GALNTL6: variants seen among roughly 807,000 people sequenced by gnomAD.
GALNTL6 encodes the protein polypeptide N-acetylgalactosaminyltransferase-like 6.
In GALNTL6, 46 loss-of-function variants were observed where a neutral mutation model predicts 73.7. The ratio of observed to expected loss-of-function variants is 0.62; its 90% CI spans 0.49 to 0.80. The LOEUF is 0.80. GALNTL6 is among the 30% of genes least tolerant of loss of function. The pLI is 0.00. For missense variants in GALNTL6, 604 were observed against 755.0 expected (o/e 0.80, Z 2.34); for synonymous variants, 259 against 263.7 (o/e 0.98, Z 0.17).
intron 5 of GALNTL6, among the ~76,000 whole-genome samples, chr4:172,364,307 G>A (rs894723438): frequency 6.6e-6 from 1 of 152,104 alleles, no homozygotes; most frequent in East Asian, 1.9e-4. Context: ...TGTAGTCCTA[G>A]TTACTCTGGA....
At chr4:172,485,189 A>G (rs1183585949) in intron 5 of GALNTL6, among the ~76,000 whole-genome samples, 1 of 152,068 alleles carries the variant, frequency 6.6e-6, no homozygotes, top group East Asian at 1.9e-4. Context: ...TATTGTCTCT[A>G]GTTTTCTACC....
chr4:172,806,524 C>A (rs1224311890), intron 5 of GALNTL6, among the ~76,000 whole-genome samples: 1 of 152,234 alleles, frequency 6.6e-6, no homozygotes, highest in Non-Finnish European at 1.5e-5. Flanking sequence ...CTTTGACTCT[C>A]ACTTTGGAAG....
At chr4:172,446,838 G>A (rs1334030683) in intron 5 of GALNTL6, among the ~76,000 whole-genome samples, 2 of 152,140 alleles carry the variant, frequency 1.3e-5, no homozygotes, top group African/African-American at 2.4e-5. Flanking sequence ...TTTTGAAGAT[G>A]TCTATTGTTT....
intron 5 of GALNTL6, among the ~76,000 whole-genome samples, chr4:172,374,518 A>G (rs1742953371): frequency 6.6e-6 from 1 of 152,218 alleles, no homozygotes; most frequent in African/African-American, 2.4e-5. Context: ...CGAGGAAAGC[A>G]GAAGGACTTT....
chr4:172,016,475 ATTG>A (rs1741195442), intron 2 of GALNTL6, among the ~76,000 whole-genome samples: 2 of 151,728 alleles, frequency 1.3e-5, no homozygotes, highest in South Asian at 2.1e-4. Flanking sequence ...CATATTGTGT[ATTG>A]TTGTTTTAAT....
intron 12 of GALNTL6, 31 bp downstream of exon 12, chr4:173,021,656 A>G (rs1456790993): frequency 6.2e-7 from 1 of 1,608,392 alleles, no homozygotes. Flanking sequence ...GTCATTCTCA[A>G]ATTACTGTGG....
chr4:172,501,979 T>C (rs1258257716), intron 5 of GALNTL6, among the ~76,000 whole-genome samples: 1 of 152,182 alleles, frequency 6.6e-6, no homozygotes, highest in Admixed American at 6.5e-5. Flanking sequence ...TTAGCAAGCA[T>C]ACATTTCCTA....
At chr4:172,226,852 ACTCT>A (rs1198887604) in intron 2 of GALNTL6, among the ~76,000 whole-genome samples, 2 of 151,930 alleles carry the variant, frequency 1.3e-5, no homozygotes, top group African/African-American at 4.8e-5. Context: ...CATTTCAGGA[ACTCT>A]CTCTGATTCT....
intron 2 of GALNTL6, among the ~76,000 whole-genome samples, chr4:171,858,789 C>T (rs542959634): frequency 3.3e-4 from 50 of 152,032 alleles, no homozygotes; most frequent in Non-Finnish European, 5.3e-4. Flanking sequence ...CTGAAGCTAA[C>T]GTTTTCAAAT....
chr4:172,289,213 G>A (rs1739373608), intron 3 of GALNTL6, among the ~76,000 whole-genome samples: 1 of 152,088 alleles, frequency 6.6e-6, no homozygotes, highest in Non-Finnish European at 1.5e-5. Context: ...GTTTGTTACT[G>A]GAGAAAAATT....
chr4:172,217,089 G>T, intron 2 of GALNTL6, among the ~76,000 whole-genome samples: 1 of 152,260 alleles, frequency 6.6e-6, no homozygotes, highest in Middle Eastern at 3.4e-3. Context: ...TATTGTGGCT[G>T]CCCTTAGACA....
At chr4:172,317,343 G>A (rs1436079907) in intron 4 of GALNTL6, among the ~76,000 whole-genome samples, 1 of 152,270 alleles carries the variant, frequency 6.6e-6, no homozygotes, top group South Asian at 2.1e-4. Context: ...TTCCGTAAGC[G>A]GGGATGCAAG....
At chr4:172,022,983 A>G (rs1254035521) in intron 2 of GALNTL6, among the ~76,000 whole-genome samples, 1 of 152,064 alleles carries the variant, frequency 6.6e-6, no homozygotes, top group Admixed American at 6.6e-5. Context: ...TGTACAGAGA[A>G]TAAATAAACG....
At chr4:173,018,221 G>T (rs1375048774) in intron 11 of GALNTL6, among the ~76,000 whole-genome samples, 3 of 152,158 alleles carry the variant, frequency 2.0e-5, no homozygotes, top group Non-Finnish European at 4.4e-5. Flanking sequence ...TATTCGCCAG[G>T]AAATTTCTAT....
intron 2 of GALNTL6, among the ~76,000 whole-genome samples, chr4:171,971,714 CT>C (rs1739575387): frequency 6.6e-6 from 1 of 151,872 alleles, no homozygotes; most frequent in African/African-American, 2.4e-5. Context: ...TTTTAAAGTC[CT>C]ATATTTGAAT....
intron 5 of GALNTL6, among the ~76,000 whole-genome samples, chr4:172,672,635 G>A (rs777450122): frequency 8.6e-6 from 1 of 116,628 alleles, no homozygotes; most frequent in Non-Finnish European, 1.7e-5. Context: ...CTGTGAATCC[G>A]TCTGGTCCTG....
At chr4:173,005,719 G>A (rs371585694) in intron 10 of GALNTL6, among the ~76,000 whole-genome samples, 2 of 152,270 alleles carry the variant, frequency 1.3e-5, no homozygotes, top group African/African-American at 4.8e-5. Context: ...TCTTGAGGAA[G>A]AGCTGGATAT....
chr4:172,553,013 T>C (rs1869684), intron 5 of GALNTL6, among the ~76,000 whole-genome samples: 126,466 of 151,954 alleles, frequency 0.83, 52,770 homozygotes, highest in Non-Finnish European at 0.87. Context: ...CCCAAGTGTT[T>C]GTCTTCAGAG....
intron 5 of GALNTL6, among the ~76,000 whole-genome samples, chr4:172,719,363 A>G (rs973184629): frequency 1.3e-5 from 2 of 152,126 alleles, no homozygotes; most frequent in African/African-American, 4.8e-5. Flanking sequence ...CAATTATAAT[A>G]CTCCTTTAAG....
Sources: gnomAD v4.1 joint callset for allele counts (sites outside exome capture counted in the v4.1 genomes callset) on GRCh38, gnomAD v4.1.1 for gene constraint, MANE v1.5 for transcripts, NCBI Gene and HGNC (gene_info 2026-07-23, HGNC 2026-07-21) for gene names.